Variants in KHDRBS2 observed in about 807,000 individuals in gnomAD.
KHDRBS2 encodes KH RNA binding domain containing, signal transduction associated 2.
KHDRBS2 carries 26 observed loss-of-function variants against 44.3 expected under a neutral mutation model. The ratio of observed to expected loss-of-function variants is 0.59; its 90% CI spans 0.43 to 0.81. The LOEUF (loss-of-function observed/expected upper bound fraction) is 0.81, where lower values mean the gene tolerates loss of function less well. Among genes scored for constraint, KHDRBS2 ranks in the 40% least tolerant of loss-of-function variants. The pLI is 0.00. For missense variants in KHDRBS2, 476 were observed against 433.1 expected (o/e 1.10, Z -0.88); for synonymous variants, 194 against 151.1 (o/e 1.28, Z -2.08).
At chr6:61,607,092 T>C in the KHDRBS2 span, among the ~76,000 whole-genome samples, 1 of 151,968 alleles carries the variant, frequency 6.6e-6, no homozygotes, top group East Asian at 1.9e-4. Context: ...TACGCATGAT[T>C]AATTTTTTTT....
chr6:61,642,053 A>G, the KHDRBS2 span, among the ~76,000 whole-genome samples: 2 of 152,268 alleles, frequency 1.3e-5, no homozygotes, highest in East Asian at 3.9e-4. Flanking sequence ...TTATACTATT[A>G]ACATGTCTAC....
intron 2 of KHDRBS2, among the ~76,000 whole-genome samples, chr6:62,102,285 A>G (rs1802075151): frequency 6.6e-6 from 1 of 152,200 alleles, no homozygotes. Flanking sequence ...GCTATGAAGA[A>G]ATACCCAAGA....
intron 2 of KHDRBS2, among the ~76,000 whole-genome samples, chr6:62,069,395 T>A (rs978493272): frequency 8.6e-5 from 13 of 151,742 alleles, no homozygotes; most frequent in African/African-American, 3.1e-4. Context: ...ATAGTCTGTG[T>A]GAAATGGCAG....
At chr6:62,236,663 G>A (rs1000285430) in intron 1 of KHDRBS2, among the ~76,000 whole-genome samples, 1 of 151,228 alleles carries the variant, frequency 6.6e-6, no homozygotes, top group African/African-American at 2.4e-5. Flanking sequence ...ATATGGGGAG[G>A]GTAATAGTAC....
At chr6:62,031,989 G>T (rs1784415693) in intron 3 of KHDRBS2, among the ~76,000 whole-genome samples, 2 of 152,220 alleles carry the variant, frequency 1.3e-5, no homozygotes, top group South Asian at 4.1e-4. Context: ...GGTAGCCACA[G>T]GGGTGCTTGT....
the KHDRBS2 span, among the ~76,000 whole-genome samples, chr6:61,571,579 A>G: frequency 6.6e-6 from 1 of 152,150 alleles, no homozygotes; most frequent in Admixed American, 6.5e-5. Context: ...AGACGTTTAC[A>G]GAACACTTGA....
intron 6 of KHDRBS2, among the ~76,000 whole-genome samples, chr6:61,777,952 G>T (rs1230392810): frequency 2.0e-5 from 3 of 151,886 alleles, no homozygotes; most frequent in African/African-American, 7.3e-5. Context: ...CACTACCCAG[G>T]TATTAAGCCT....
intron 6 of KHDRBS2, chr6:61,814,035 A>G: frequency 4.4e-6 from 2 of 455,974 alleles, no homozygotes; most frequent in Non-Finnish European, 4.4e-6. Context: ...TAGATTAATG[A>G]AATAAAGCAA....
intron 2 of KHDRBS2, among the ~76,000 whole-genome samples, chr6:62,156,539 ATT>A (rs1296553020): frequency 1.3e-5 from 2 of 152,204 alleles, no homozygotes; most frequent in Admixed American, 6.5e-5. Flanking sequence ...TATTTTTCAC[ATT>A]TTGTTAGATT....
At chr6:62,114,868 A>G (rs1805838013) in intron 2 of KHDRBS2, among the ~76,000 whole-genome samples, 2 of 149,508 alleles carry the variant, frequency 1.3e-5, no homozygotes, top group African/African-American at 5.1e-5. Context: ...TGTAATAATA[A>G]TAAACTTTTT....
chr6:61,967,461 A>T (rs1770273274), intron 4 of KHDRBS2, among the ~76,000 whole-genome samples: 1 of 151,962 alleles, frequency 6.6e-6, no homozygotes, highest in Non-Finnish European at 1.5e-5. Flanking sequence ...ATATAGATAT[A>T]GATAGATATG....
At chr6:61,943,197 G>A (rs1024580493) in intron 4 of KHDRBS2, among the ~76,000 whole-genome samples, 3 of 152,014 alleles carry the variant, frequency 2.0e-5, no homozygotes, top group Non-Finnish European at 4.4e-5. Flanking sequence ...AAATTAATGA[G>A]AAATAATCTT....
chr6:61,621,066 C>T, the KHDRBS2 span, among the ~76,000 whole-genome samples: 632 of 152,176 alleles, frequency 4.2e-3, 6 homozygotes, highest in African/African-American at 0.015. Context: ...AGAAGCAGTT[C>T]GAGAAAGGAT....
chr6:62,124,756 T>C (rs1285193465), intron 2 of KHDRBS2, among the ~76,000 whole-genome samples: 1 of 152,164 alleles, frequency 6.6e-6, no homozygotes, highest in Non-Finnish European at 1.5e-5. Context: ...AGATACTTAG[T>C]ACTGGGATTG....
At chr6:61,547,844 A>T in the KHDRBS2 span, among the ~76,000 whole-genome samples, 24 of 152,242 alleles carry the variant, frequency 1.6e-4, no homozygotes, top group African/African-American at 5.3e-4. Flanking sequence ...CTTCCCCAAA[A>T]AGTCCAATTT....
intron 2 of KHDRBS2, among the ~76,000 whole-genome samples, chr6:62,085,293 GA>G (rs1798181238): frequency 6.6e-6 from 1 of 152,168 alleles, no homozygotes; most frequent in South Asian, 2.1e-4. Flanking sequence ...GGATTGAAAA[GA>G]AGGCATAAAT....
chr6:61,593,752 T>G, the KHDRBS2 span, among the ~76,000 whole-genome samples: 1 of 152,108 alleles, frequency 6.6e-6, no homozygotes, highest in Non-Finnish European at 1.5e-5. Context: ...GTCTGTAATA[T>G]CTGTATGAAT....
At chr6:61,791,288 G>A (rs1562188958) in intron 6 of KHDRBS2, among the ~76,000 whole-genome samples, 1 of 150,630 alleles carries the variant, frequency 6.6e-6, no homozygotes, top group African/African-American at 2.4e-5. Flanking sequence ...CTTTGGGACC[G>A]ATTTTCTTTT....
intron 6 of KHDRBS2, among the ~76,000 whole-genome samples, chr6:61,746,640 G>T (rs1285802825): frequency 2.0e-5 from 3 of 152,106 alleles, no homozygotes; most frequent in East Asian, 1.9e-4. Context: ...CTCTATAGAA[G>T]AATTTATATT....
Sources: allele counts gnomAD v4.1 joint callset (sites outside exome capture counted in the v4.1 genomes callset), GRCh38; gene constraint gnomAD v4.1.1; transcripts MANE v1.5; gene names NCBI Gene and HGNC (gene_info 2026-07-23, HGNC 2026-07-21).